Variants in NTMT1 observed in about 807,000 individuals in gnomAD.
The protein encoded by NTMT1 is N-terminal RCC1 methyltransferase.
NTMT1 carries 8 observed loss-of-function variants against 17.5 expected under a neutral mutation model. The observed-to-expected ratio is 0.46, with a 90% confidence interval of 0.27 to 0.82. The LOEUF (loss-of-function observed/expected upper bound fraction) is 0.82, where lower values mean the gene tolerates loss of function less well. NTMT1 is among the 40% of genes least tolerant of loss of function. NTMT1 has a pLI of 0.15. For synonymous variants in NTMT1, 128 were observed against 126.8 expected, an observed-to-expected ratio of 1.01 and a Z score of -0.06; for missense variants, 221 against 303.5, an observed-to-expected ratio of 0.73 and a Z score of 2.02.
intron 1 of NTMT1, among the ~76,000 whole-genome samples, chr9:129,630,020 C>T (rs1467874284): frequency 6.6e-6 from 1 of 152,248 alleles, no homozygotes; most frequent in Non-Finnish European, 1.5e-5. Flanking sequence ...AAGACCCAAT[C>T]ACGGATCTAA....
Position 129,635,203 on chromosome 9 carries a change from C to T in NTMT1, c.416-5C>T, listed in dbSNP as rs369634856. The T allele has an allele frequency of 1.6e-5, 26 of 1,605,836 alleles. No homozygotes were observed. The highest frequency in any genetic ancestry group is 1.5e-4 in the Admixed American group (9 of 59,990). ...CCCTGGTAACCTTGCCTCTGCCCTC[C>T]CCAGGCCACCTCACCGATCAGCACC... On this transcript the variant is annotated splice_region_variant and splice_polypyrimidine_tract_variant and intron_variant, in intron 3 of 3. Coordinates refer to ENST00000372483, the MANE Select transcript of NTMT1 (RefSeq NM_014064.4).
rs1035419607 is a variant in NTMT1, at chr9:129,613,365, G to T, written c.-55+4187G>T. 1 of 1,588,046 alleles carries T rather than the reference G, an allele frequency of 6.3e-7. No individual in the cohort carries two copies. On this transcript the variant is annotated intron_variant, in intron 1 of 3. Transcript: ENST00000372486. The surrounding 1 kb of genome is among the most constrained non-coding windows in gnomAD (Gnocchi z 6.2). ...AACCCGCCTGCTGCTGGGTGGGGAGGTCTGTAGGCAAGGGGGGTGGAGGGC... is the reference window on the plus strand; with the variant it reads ...AACCCGCCTGCTGCTGGGTGGGGAGTTCTGTAGGCAAGGGGGGTGGAGGGC...
At chr9:129,634,897 C>T in intron 3 of NTMT1, 1 of 371,340 alleles carries the variant, frequency 2.7e-6, no homozygotes. Context: ...AGCCCAGGTT[C>T]ACTCCTCCGA....
chr9:129,611,553 T>A (rs915163441), intron 1 of NTMT1, among the ~76,000 whole-genome samples: 1 of 152,178 alleles, frequency 6.6e-6, no homozygotes, highest in African/African-American at 2.4e-5. Flanking sequence ...AACACAGGGC[T>A]CTCTTCCCTC....
intron 1 of NTMT1, among the ~76,000 whole-genome samples, chr9:129,627,861 G>A (rs754599258): frequency 5.9e-5 from 9 of 152,246 alleles, no homozygotes; most frequent in Non-Finnish European, 1.0e-4. Flanking sequence ...ACTTACGTGA[G>A]GAGGATGAGA....
rs146176082 is a variant in NTMT1 at position 129,613,587 on chromosome 9, G to T, written c.-55+4409G>T. On this transcript the variant is annotated intron_variant, in intron 1 of 3. Transcript: ENST00000372486. The surrounding 1 kb of genome is among the most constrained non-coding windows in gnomAD (Gnocchi z 6.2). ...GGGCGGCCTTCTGGTTCACAATGAC[G>T]CTCTGTTGGACTGCAGGAAAGAGGG... 1.2e-6 allele frequency: 2 copies of T among 1,613,962 alleles called. No individual in the cohort carries two copies. The highest frequency in any genetic ancestry group is 1.7e-5 in the Admixed American group (1 of 60,002).
At chr9:129,611,654 C>T (rs1357324817) in intron 1 of NTMT1, among the ~76,000 whole-genome samples, 1 of 151,140 alleles carries the variant, frequency 6.6e-6, no homozygotes, top group African/African-American at 2.5e-5. Flanking sequence ...GTTCTCCACC[C>T]CTAGGCTGAG....
chr9:129,624,289 G>A (rs1830830258), upstream of NTMT1, among the ~76,000 whole-genome samples: 2 of 152,204 alleles, frequency 1.3e-5, no homozygotes, highest in Admixed American at 6.5e-5. Flanking sequence ...ATAAGACAGG[G>A]CTGGATTTTT....
Position 129,621,040 on chromosome 9 carries a change from T to TA in NTMT1, c.-54-11608dup, listed in dbSNP as rs565445877. On this transcript the variant is annotated intron_variant, in intron 1 of 3. Transcript: ENST00000372486. ...GGGGCTCTGGTCTGCAGAATGGGGA[T>TA]AATAGCAGCACCTGCCTCTCTGCAG... 1.5e-3 allele frequency among the ~76,000 whole-genome samples: 234 copies of TA among 152,358 alleles called. 1 individual carries two copies. Among genetic ancestry groups the TA allele is most frequent in the Middle Eastern group, 0.01 (3 of 294 alleles).
At chr9:129,618,362 G>C (rs1332725840) in intron 1 of NTMT1, among the ~76,000 whole-genome samples, 2 of 152,098 alleles carry the variant, frequency 1.3e-5, no homozygotes, top group Non-Finnish European at 2.9e-5. Context: ...CCTAATAAAA[G>C]TTAGAGTAAG....
intron 2 of NTMT1, chr9:129,633,746 T>C: frequency 3.9e-6 from 1 of 256,758 alleles, no homozygotes; most frequent in Non-Finnish European, 7.4e-6. Flanking sequence ...AGATGGAGGA[T>C]GGCTTGAGCC....
Position 129,620,716 on chromosome 9 carries a change from G to T in NTMT1, c.-55+11538G>T. On this transcript the variant is annotated intron_variant, in intron 1 of 3. Transcript: ENST00000372486. The surrounding 1 kb of genome is among the most constrained non-coding windows in gnomAD (Gnocchi z 5.8). ...GTGCGGGGTGAACGCCACCGGCCCGGCGGACAGCGAGTGGCTTCAGGCGAG... is the reference window on the plus strand; with the variant it reads ...GTGCGGGGTGAACGCCACCGGCCCGTCGGACAGCGAGTGGCTTCAGGCGAG... 1 of 729,564 alleles carries T rather than the reference G, an allele frequency of 1.4e-6. No individual in the cohort carries two copies. The highest frequency in any genetic ancestry group is 1.9e-6 in the Non-Finnish European group (1 of 530,162). The allele number at this position is 729,564 out of a possible 1,614,324, so 45.2% of individuals were successfully genotyped here. A position where few individuals can be genotyped will look rare whatever the true frequency, so the allele number is the denominator to read the frequency against.
intron 1 of NTMT1, among the ~76,000 whole-genome samples, chr9:129,630,508 G>C (rs1831105885): frequency 6.6e-6 from 1 of 152,218 alleles, no homozygotes; most frequent in Non-Finnish European, 1.5e-5. Context: ...CTTCCCAAAG[G>C]CCTCGTGCTC....
upstream of NTMT1, among the ~76,000 whole-genome samples, chr9:129,622,214 G>A (rs1236518759): frequency 2.0e-5 from 3 of 152,234 alleles, no homozygotes; most frequent in South Asian, 2.1e-4. Context: ...CAGACCCTGC[G>A]GGGCACGGTG....
intron 1 of NTMT1, among the ~76,000 whole-genome samples, chr9:129,612,707 G>A (rs1830149316): frequency 6.6e-6 from 1 of 152,242 alleles, no homozygotes; most frequent in African/African-American, 2.4e-5. Flanking sequence ...GTGAAACCCT[G>A]TCTCTACCGA....
chr9:129,615,498 T>C, intron 1 of NTMT1: 1 of 1,599,466 alleles, frequency 6.3e-7, no homozygotes, highest in Non-Finnish European at 8.5e-7. Flanking sequence ...GCGTCTGCGC[T>C]CCCAGTAGCG....
rs559715822 is a variant in NTMT1, at chr9:129,618,916, G to A, written c.-55+9738G>A. ...TTTTTAGTAGAGACGGGGTTTCACC[G>A]TGTTATCCAGGGTGGTCTCAATCTC... On this transcript the variant is annotated intron_variant, in intron 1 of 3. Coordinates refer to the NTMT1 transcript ENST00000372486. 1.7e-4 allele frequency among the ~76,000 whole-genome samples: 25 copies of A among 144,698 alleles called. No homozygotes were observed. The South Asian group carries it at 4.7e-3, about 27-fold the overall frequency. 94.9% of individuals were successfully genotyped at this position (144,698 alleles called of 152,430 possible).
chr9:129,624,690 C>T (rs544597284), upstream of NTMT1, among the ~76,000 whole-genome samples: 272 of 152,288 alleles, frequency 1.8e-3, no homozygotes, highest in African/African-American at 6.3e-3. Flanking sequence ...AAAGCAATGG[C>T]GCGATCTAGG....
chr9:129,628,298 T>A (rs1042742485), intron 1 of NTMT1, among the ~76,000 whole-genome samples: 2 of 152,196 alleles, frequency 1.3e-5, no homozygotes, highest in African/African-American at 2.4e-5. Flanking sequence ...TATTAATGAA[T>A]CAGCTGTTAG....
Sources: gnomAD v4.1 joint callset for allele counts (sites outside exome capture counted in the v4.1 genomes callset) on GRCh38, gnomAD v4.1.1 for gene constraint, Gnocchi (gnomAD v3.1) non-coding constraint, MANE v1.5 for transcripts, NCBI Gene and HGNC (gene_info 2026-07-23, HGNC 2026-07-21) for gene names.